The following CACNA1A variants were observed in gnomAD, a reference collection of about 807,000 sequenced individuals.
The protein encoded by CACNA1A is voltage-dependent P/Q-type calcium channel subunit alpha-1A.
CACNA1A carries 57 observed loss-of-function variants against 262.4 expected under a neutral mutation model. The observed-to-expected ratio is 0.22, with a 90% CI of 0.18 to 0.27. CACNA1A has a LOEUF of 0.27. Ranked by LOEUF, CACNA1A falls within the 10% of genes least tolerant of loss-of-function variation. The pLI is 1.00. For synonymous variants in CACNA1A, 1,431 were observed against 1,419.3 expected, an observed-to-expected ratio of 1.01 and a Z score of -0.18; for missense variants, 2,526 against 3,562.8, an observed-to-expected ratio of 0.71 and a Z score of 7.41.
At chr19:13,270,580 G>A (rs1208298403) in intron 24 of CACNA1A, among the ~76,000 whole-genome samples, 1 of 152,234 alleles carries the variant, frequency 6.6e-6, no homozygotes, top group African/African-American at 2.4e-5. Flanking sequence ...ACGGGGAGAA[G>A]ATTCCAAAAC....
At chr19:13,334,561 TTG>T (rs1196739807) in intron 7 of CACNA1A, 68 bp from the exon 8 acceptor site, 12,279 of 307,010 alleles carry the variant, frequency 0.04, 254 homozygotes, top group African/African-American at 0.18. Flanking sequence ...GTGTGTGTGT[TTG>T]TGTGTGTGTG....
At chr19:13,247,375 T>A (rs545650582) in intron 30 of CACNA1A, among the ~76,000 whole-genome samples, 1 of 152,210 alleles carries the variant, frequency 6.6e-6, no homozygotes, top group Admixed American at 6.5e-5. Context: ...AGATGGGATG[T>A]TGTTGTTTCA....
At chr19:13,355,985 G>C (rs1320213174) in intron 6 of CACNA1A, among the ~76,000 whole-genome samples, 1 of 152,200 alleles carries the variant, frequency 6.6e-6, no homozygotes, top group South Asian at 2.1e-4. Flanking sequence ...GCGAGAAGCT[G>C]TGTTCTAGGT....
chr19:13,371,857 C>T (rs1001175436), intron 3 of CACNA1A, 78 bp from the exon 4 acceptor site: 31 of 1,032,752 alleles, frequency 3.0e-5, no homozygotes, highest in Non-Finnish European at 4.6e-5. Flanking sequence ...GCTTGGGATT[C>T]CAAGCTGTCC....
intron 43 of CACNA1A, 148 bp downstream of exon 43, chr19:13,211,955 C>A: frequency 3.3e-6 from 2 of 607,996 alleles, no homozygotes; most frequent in Middle Eastern, 4.4e-4. Flanking sequence ...GTGGGTGGGG[C>A]CTGCAGACTG....
At chr19:13,462,435 T>A (rs1172282537) in intron 1 of CACNA1A, among the ~76,000 whole-genome samples, 4 of 152,152 alleles carry the variant, frequency 2.6e-5, no homozygotes, top group Non-Finnish European at 4.4e-5. Context: ...TATATGGGTT[T>A]AAGACATATT....
At chr19:13,240,340 T>C (rs2056032819) in intron 31 of CACNA1A, among the ~76,000 whole-genome samples, 1 of 151,750 alleles carries the variant, frequency 6.6e-6, no homozygotes. Context: ...ATGCAGACTG[T>C]GTGTGCATGC....
chr19:13,230,898 G>A (rs1213421844), intron 35 of CACNA1A, among the ~76,000 whole-genome samples: 2 of 151,772 alleles, frequency 1.3e-5, no homozygotes, highest in Non-Finnish European at 2.9e-5. Flanking sequence ...TCTGAAACAG[G>A]GACCAACACC....
chr19:13,220,399 A>C (rs2055178477), intron 38 of CACNA1A, among the ~76,000 whole-genome samples: 1 of 152,212 alleles, frequency 6.6e-6, no homozygotes, highest in Admixed American at 6.5e-5. Flanking sequence ...AGAGAGAATG[A>C]GAGCACATGG....
chr19:13,379,474 A>G (rs1485883342), intron 3 of CACNA1A, among the ~76,000 whole-genome samples: 1 of 152,166 alleles, frequency 6.6e-6, no homozygotes, highest in East Asian at 1.9e-4. Context: ...CCTGTATGAC[A>G]GATGTTAGGG....
At chr19:13,307,508 A>G (rs543265919) in intron 15 of CACNA1A, 68 of 377,278 alleles carry the variant, frequency 1.8e-4, no homozygotes, top group African/African-American at 1.2e-3. Flanking sequence ...CGTTGGGATT[A>G]CAGGTGTGAG....
At chr19:13,451,671 C>G (rs1418765128) in intron 3 of CACNA1A, 1 of 152,208 alleles carries the variant, frequency 6.6e-6, no homozygotes. Context: ...GGTCACACCC[C>G]TTCCAAACTC....
Position 13,228,605 on chromosome 19 carries a change from GATAT to G in CACNA1A, c.5529-1082_5529-1079del, listed in dbSNP as rs74181814. ...CTCTGTTTTTTTAGAGAGAGAGAGA[GATAT>G]ATATATATATATATATGAAATATAT... On this transcript the variant is annotated intron_variant, in intron 36 of 46. Coordinates refer to ENST00000360228, the MANE Select transcript of CACNA1A (RefSeq NM_001127222.2). 4,258 of 90,508 alleles carry G rather than the reference GATAT, an allele frequency of 0.047. 57 individuals carry two copies. Among genetic ancestry groups the G allele is most frequent in the Non-Finnish European group, 0.062 (2,661 of 43,064 alleles). 5.6% of individuals were successfully genotyped at this position (90,508 alleles called of 1,614,324 possible).
chr19:13,300,707 G>C, intron 17 of CACNA1A, 51 bp from the exon 18 acceptor site: 1 of 1,437,846 alleles, frequency 7.0e-7, no homozygotes, highest in South Asian at 1.1e-5. Context: ...AGGCCTTGGG[G>C]ACTCACTTCT....
intron 1 of CACNA1A, among the ~76,000 whole-genome samples, chr19:13,484,401 G>A (rs951520466): frequency 6.6e-6 from 1 of 151,986 alleles, no homozygotes; most frequent in East Asian, 1.9e-4. Context: ...ACATACCCTT[G>A]GCAGGATCAC....
intron 3 of CACNA1A, 90 bp from the exon 4 acceptor site, chr19:13,371,869 G>A: frequency 2.1e-6 from 2 of 936,232 alleles, no homozygotes; most frequent in Middle Eastern, 4.1e-4. Context: ...AAGCTGTCCT[G>A]TATTGGTTGG....
chr19:13,442,345 A>G (rs912233407), intron 3 of CACNA1A, among the ~76,000 whole-genome samples: 7 of 152,158 alleles, frequency 4.6e-5, no homozygotes, highest in African/African-American at 7.2e-5. Flanking sequence ...AAGCCAGGGT[A>G]TTTATACACT....
At chr19:13,303,194 A>G (rs944585454) in intron 17 of CACNA1A, among the ~76,000 whole-genome samples, 4 of 152,060 alleles carry the variant, frequency 2.6e-5, no homozygotes, top group African/African-American at 7.2e-5. Flanking sequence ...CTGGGTCCCC[A>G]TAACAGCACT....
intron 3 of CACNA1A, among the ~76,000 whole-genome samples, chr19:13,383,703 G>A (rs1035936837): frequency 1.3e-5 from 2 of 152,248 alleles, no homozygotes; most frequent in African/African-American, 2.4e-5. Context: ...TGGCCTCTTC[G>A]AATTCTTCAG....
Sources: gnomAD v4.1 joint callset for allele counts (sites outside exome capture counted in the v4.1 genomes callset) on GRCh38, gnomAD v4.1.1 for gene constraint, MANE v1.5 for transcripts, NCBI Gene and HGNC (gene_info 2026-07-23, HGNC 2026-07-21) for gene names.